The following DLG2 variants were observed in gnomAD, a reference collection of about 807,000 sequenced individuals.
DLG2 encodes disks large homolog 2.
In DLG2, 45 loss-of-function variants were observed where a neutral mutation model predicts 132.5. The observed-to-expected ratio is 0.34, with a 90% CI of 0.27 to 0.44. The LOEUF (loss-of-function observed/expected upper bound fraction) is 0.44, where lower values mean the gene tolerates loss of function less well. DLG2 is among the 20% of genes least tolerant of loss of function. The pLI is 1.00. For synonymous variants in DLG2, 424 were observed against 419.6 expected (o/e 1.01, Z -0.13); for missense variants, 1,045 against 1,196.9 (o/e 0.87, Z 1.87).
At position 85,056,029 on chromosome 11, in the gene DLG2, G is replaced by C. The variant is rs186790087; in HGVS notation, c.357+55632C>G. On this transcript the variant is annotated intron_variant, in intron 6 of 27. Coordinates refer to ENST00000376104, the MANE Select transcript of DLG2 (RefSeq NM_001142699.3). ...TTTTTTTAAGTAAAACCTCTCCAAA[G>C]AGAGATAACATTCAGATTATCTACA... Among the ~76,000 whole-genome samples, 89 of 152,126 alleles carry C rather than the reference G, an allele frequency of 5.9e-4. 1 individual carries two copies. Among genetic ancestry groups the C allele is most frequent in the African/African-American group, 2.0e-3 (82 of 41,526 alleles).
chr11:85,254,367 A>G (rs752209888), intron 4 of DLG2, among the ~76,000 whole-genome samples: 1 of 152,224 alleles, frequency 6.6e-6, no homozygotes. Flanking sequence ...GTTGCAAACA[A>G]AAATATACAC....
intron 6 of DLG2, among the ~76,000 whole-genome samples, chr11:84,729,618 C>T (rs538474548): frequency 5.3e-5 from 8 of 152,050 alleles, no homozygotes; most frequent in African/African-American, 1.9e-4. Flanking sequence ...ACTCACCTAT[C>T]CCCAAGTATA....
At chr11:83,773,751 G>C (rs2094483048) in intron 18 of DLG2, among the ~76,000 whole-genome samples, 1 of 152,158 alleles carries the variant, frequency 6.6e-6, no homozygotes, top group African/African-American at 2.4e-5. Flanking sequence ...TGGCCCATTT[G>C]TTCATTCCAC....
At position 85,517,551 on chromosome 11, in the gene DLG2, A is replaced by C. The variant is rs1452000019; in HGVS notation, c.40+81106T>G. Among the ~76,000 whole-genome samples, 3 of 152,192 alleles carry C rather than the reference A, an allele frequency of 2.0e-5. No homozygotes were observed. The East Asian group carries it at 5.8e-4, about 29-fold the overall frequency. On this transcript the variant is annotated intron_variant, in intron 3 of 27. Coordinates refer to ENST00000376104, the MANE Select transcript of DLG2 (RefSeq NM_001142699.3). ...GAAAACCCCAAAGCTTTGGGAAACAAATTCAGTAAATGTTCAGGATACAAA... is the reference window on the plus strand; with the variant it reads ...GAAAACCCCAAAGCTTTGGGAAACACATTCAGTAAATGTTCAGGATACAAA...
chr11:84,875,785 G>A (rs1731532968), intron 6 of DLG2, among the ~76,000 whole-genome samples: 1 of 152,046 alleles, frequency 6.6e-6, no homozygotes, highest in South Asian at 2.1e-4. Flanking sequence ...CGCCCAGGCT[G>A]GAGTACAGTG....
At chr11:84,504,471 A>G (rs1366889912) in intron 7 of DLG2, among the ~76,000 whole-genome samples, 2 of 152,220 alleles carry the variant, frequency 1.3e-5, no homozygotes, top group Non-Finnish European at 2.9e-5. Context: ...TTAGTTCAGC[A>G]TGTAAAACCT....
chr11:84,806,597 A>G (rs1465613006), intron 6 of DLG2, among the ~76,000 whole-genome samples: 1 of 152,226 alleles, frequency 6.6e-6, no homozygotes, highest in Admixed American at 6.5e-5. Flanking sequence ...AATATTCTTC[A>G]GGAATTAAAA....
chr11:84,988,603 A>G (rs2056759463), intron 6 of DLG2, among the ~76,000 whole-genome samples: 1 of 152,202 alleles, frequency 6.6e-6, no homozygotes, highest in South Asian at 2.1e-4. Context: ...CTATTTTTCT[A>G]AGTGAAGTAA....
intron 15 of DLG2, among the ~76,000 whole-genome samples, chr11:83,888,267 T>A (rs2068560110): frequency 6.6e-6 from 1 of 152,158 alleles, no homozygotes; most frequent in Admixed American, 6.5e-5. Context: ...GGATACATTA[T>A]CAATGTACAA....
chr11:84,453,400 G>T (rs973668996), intron 7 of DLG2, among the ~76,000 whole-genome samples: 1 of 151,606 alleles, frequency 6.6e-6, no homozygotes, highest in Admixed American at 6.6e-5. Flanking sequence ...TGGTTATAAA[G>T]AATTTTCCTA....
At chr11:83,494,818 C>T (rs1459722759) in intron 21 of DLG2, among the ~76,000 whole-genome samples, 1 of 152,016 alleles carries the variant, frequency 6.6e-6, no homozygotes, top group African/African-American at 2.4e-5. Context: ...AATTTTATTG[C>T]AAGGATACTA....
chr11:84,673,697 G>C (rs1324456232), intron 6 of DLG2, among the ~76,000 whole-genome samples: 1 of 151,458 alleles, frequency 6.6e-6, no homozygotes. Context: ...AGAATTAGAA[G>C]AAAATTTGAA....
At chr11:84,756,712 T>G (rs2066925561) in intron 6 of DLG2, among the ~76,000 whole-genome samples, 1 of 152,210 alleles carries the variant, frequency 6.6e-6, no homozygotes, top group African/African-American at 2.4e-5. Context: ...CCAACACAAA[T>G]TCATAAACTT....
At chr11:84,447,447 T>C (rs192163914) in intron 7 of DLG2, among the ~76,000 whole-genome samples, 14 of 152,278 alleles carry the variant, frequency 9.2e-5, no homozygotes, top group Admixed American at 6.5e-4. Flanking sequence ...TCTTTATAAT[T>C]CTGTTTAATC....
intron 18 of DLG2, among the ~76,000 whole-genome samples, chr11:83,734,740 T>C (rs1250381474): frequency 6.6e-6 from 1 of 152,130 alleles, no homozygotes; most frequent in Admixed American, 6.6e-5. Context: ...CATAAGCCAC[T>C]GTACCCAGCC....
At chr11:84,420,994 C>G (rs1273632863) in intron 7 of DLG2, among the ~76,000 whole-genome samples, 1 of 152,084 alleles carries the variant, frequency 6.6e-6, no homozygotes, top group Non-Finnish European at 1.5e-5. Context: ...GTTACTCATC[C>G]GTAGAAACCT....
At chr11:84,089,046 T>G (rs2097044267) in intron 10 of DLG2, among the ~76,000 whole-genome samples, 1 of 152,194 alleles carries the variant, frequency 6.6e-6, no homozygotes, top group African/African-American at 2.4e-5. Flanking sequence ...CAGTGGAAAT[T>G]GACAGGTTGG....
chr11:84,695,513 A>C (rs367563555), intron 6 of DLG2, among the ~76,000 whole-genome samples: 1 of 151,774 alleles, frequency 6.6e-6, no homozygotes, highest in Non-Finnish European at 1.5e-5. Context: ...CATCACTGAA[A>C]GAAATAAAGT....
At chr11:85,291,522 G>T (rs1282244583) in intron 3 of DLG2, among the ~76,000 whole-genome samples, 1 of 151,470 alleles carries the variant, frequency 6.6e-6, no homozygotes. Flanking sequence ...TGGCATATAT[G>T]GCCATAGCTC....
Sources: allele counts gnomAD v4.1 joint callset (sites outside exome capture counted in the v4.1 genomes callset), GRCh38; gene constraint gnomAD v4.1.1; transcripts MANE v1.5; gene names NCBI Gene and HGNC (gene_info 2026-07-23, HGNC 2026-07-21).